Variants in FMO1 observed in about 807,000 individuals in gnomAD.
FMO1 encodes the protein flavin containing dimethylaniline monoxygenase 1, also known as flavin-containing monooxygenase 1.
In FMO1, 36 loss-of-function variants were observed where a neutral mutation model predicts 45.4. The observed-to-expected ratio is 0.79, with a 90% CI of 0.61 to 1.05. FMO1 has a LOEUF of 1.05. FMO1 is among the 50% of genes least tolerant of loss of function. The pLI is 0.00. For synonymous variants in FMO1, 228 were observed against 227.2 expected, an observed-to-expected ratio of 1.00 and a Z score of -0.03; for missense variants, 615 against 640.3, an observed-to-expected ratio of 0.96 and a Z score of 0.43.
intron 1 of FMO1, among the ~76,000 whole-genome samples, chr1:171,252,615 G>GC (rs1659946875): frequency 1.3e-5 from 2 of 152,160 alleles, no homozygotes. Flanking sequence ...TGCTGAACTG[G>GC]CCTTGTTTCT....
Position 171,285,261 on chromosome 1 carries a change from T to C in FMO1, c.1316T>C (p.Leu439Pro). The C allele has an allele frequency of 6.2e-7, 1 of 1,613,880 alleles. No homozygotes were observed. The highest frequency in any genetic ancestry group is 8.5e-7 in the Non-Finnish European group (1 of 1,179,836). Residue 439 changes from leucine to proline, a missense_variant, in exon 9 of 9, where the codon CTC becomes CCC. By Grantham distance (98) the Leu-to-Pro change is moderately conservative. Coordinates refer to ENST00000617670, the MANE Select transcript of FMO1 (RefSeq NM_001282693.2). ...GATTATATCACATACATAGATGAAC[T>C]CCTGACCTATATCAATGCAAAACCC... ...QSDYITYIDELLTYINAKPNL... is the reference protein window; with the variant it reads ...QSDYITYIDEPLTYINAKPNL...
At chr1:171,273,578 T>C (rs1386150378) in intron 3 of FMO1, among the ~76,000 whole-genome samples, 1 of 152,116 alleles carries the variant, frequency 6.6e-6, no homozygotes, top group Admixed American at 6.5e-5. Flanking sequence ...CAGGATCTTA[T>C]CTCACTGCAG....
intron 3 of FMO1, among the ~76,000 whole-genome samples, chr1:171,270,261 C>A (rs530773450): frequency 3.3e-5 from 5 of 152,266 alleles, no homozygotes; most frequent in South Asian, 2.1e-4. Flanking sequence ...TGTAAGTGGG[C>A]TATGTGAAAT....
intron 8 of FMO1, 42 bp from the exon 9 acceptor site, chr1:171,285,160 T>G (rs1661566938): frequency 1.5e-6 from 2 of 1,347,746 alleles, no homozygotes; most frequent in African/African-American, 1.5e-5. Context: ...GATTATCAGT[T>G]TTTTTGTCTT....
intron 1 of FMO1, among the ~76,000 whole-genome samples, chr1:171,250,018 G>A (rs1335443736): frequency 6.6e-6 from 1 of 152,026 alleles, no homozygotes. Context: ...TTTCTTCAAG[G>A]TGCCCCCAGA....
chr1:171,276,590 G>T (rs1490379119), intron 4 of FMO1, among the ~76,000 whole-genome samples: 11 of 152,180 alleles, frequency 7.2e-5, no homozygotes, highest in Admixed American at 6.5e-4. Flanking sequence ...ATGGCATAGG[G>T]AGTAAACTAC....
At chr1:171,277,274 T>C (rs575634666) in intron 4 of FMO1, among the ~76,000 whole-genome samples, 3 of 152,112 alleles carry the variant, frequency 2.0e-5, no homozygotes, top group Non-Finnish European at 2.9e-5. Context: ...TATTTAAAAA[T>C]ATGTATCACA....
chr1:171,253,102 TAAAAG>T (rs907794396), intron 1 of FMO1, among the ~76,000 whole-genome samples: 6 of 152,152 alleles, frequency 3.9e-5, no homozygotes, highest in Non-Finnish European at 4.4e-5. Flanking sequence ...ACTGAAAACT[TAAAAG>T]AAAAAAACAA....
chr1:171,284,825 T>G (rs1452960326), intron 8 of FMO1, among the ~76,000 whole-genome samples: 1 of 152,046 alleles, frequency 6.6e-6, no homozygotes, highest in Non-Finnish European at 1.5e-5. Flanking sequence ...AATTTTACCC[T>G]ATAGATTTTT....
chr1:171,267,747 T>C lies in FMO1; in HGVS notation c.321+16T>C, dbSNP rs1287798350. 5.7e-6 allele frequency: 9 copies of C among 1,586,806 alleles called. No homozygotes were observed. The highest frequency in any genetic ancestry group is 6.9e-6 in the Non-Finnish European group (8 of 1,161,504). ...TCAATTCAAGGTAAGACACAAAACATCAGTTAGTAGTCAGAAAGTATTTCC... is the reference window on the plus strand; with the variant it reads ...TCAATTCAAGGTAAGACACAAAACACCAGTTAGTAGTCAGAAAGTATTTCC... On this transcript the variant is annotated intron_variant, in intron 3 of 8. Coordinates refer to ENST00000617670, the MANE Select transcript of FMO1 (RefSeq NM_001282693.2).
At chr1:171,254,948 C>A (rs10798294) in intron 1 of FMO1, among the ~76,000 whole-genome samples, 1 of 152,040 alleles carries the variant, frequency 6.6e-6, no homozygotes, top group Non-Finnish European at 1.5e-5. Context: ...TTTCACGTCT[C>A]ACTTCCCTAC....
At position 171,285,632 on chromosome 1, in the gene FMO1, A is replaced by G. The variant is rs1244651008; in HGVS notation, c.*88A>G. On this transcript the variant is annotated 3_prime_UTR_variant, in exon 9 of 9. Coordinates refer to ENST00000617670, the MANE Select transcript of FMO1 (RefSeq NM_001282693.2). ...ACAGCAATATTGCCTTCACAGTTATAAACTGTATTCAAATAGTAAAGGCCA... is the reference window on the plus strand; with the variant it reads ...ACAGCAATATTGCCTTCACAGTTATGAACTGTATTCAAATAGTAAAGGCCA... 1 of 807,248 alleles carries G rather than the reference A, an allele frequency of 1.2e-6. No homozygotes were observed. The highest frequency in any genetic ancestry group is 1.8e-5 in the African/African-American group (1 of 56,590). The allele number at this position is 807,248 out of a possible 1,614,324, so 50.0% of individuals were successfully genotyped here. A position where few individuals can be genotyped will look rare whatever the true frequency, so the allele number is the denominator to read the frequency against.
chr1:171,250,102 CAAGT>C (rs1659818609), intron 1 of FMO1, among the ~76,000 whole-genome samples: 2 of 152,214 alleles, frequency 1.3e-5, no homozygotes, highest in East Asian at 1.9e-4. Flanking sequence ...GTTTTTTGAA[CAAGT>C]AATATACAAA....
chr1:171,254,301 GC>G (rs1183681989), intron 1 of FMO1, among the ~76,000 whole-genome samples: 1 of 152,074 alleles, frequency 6.6e-6, no homozygotes, highest in Non-Finnish European at 1.5e-5. Context: ...ATGTTGGCCA[GC>G]TGGTTTCGAA....
intron 1 of FMO1, among the ~76,000 whole-genome samples, chr1:171,256,032 G>A (rs1447202753): frequency 6.6e-6 from 1 of 152,126 alleles, no homozygotes; most frequent in African/African-American, 2.4e-5. Context: ...CCAGCACTTT[G>A]GGAGGCTGAG....
rs1661314770 is a variant in FMO1, at chr1:171,280,773, T to C, written c.628-13T>C. On this transcript the variant is annotated splice_polypyrimidine_tract_variant and intron_variant, in intron 5 of 8. Coordinates refer to ENST00000617670, the MANE Select transcript of FMO1 (RefSeq NM_001282693.2). ...ACAGTGTCAAATGAAGGGATGTCTT[T>C]GATTGCTTCCAGGTGTTCCTCAGCA... The C allele has an allele frequency of 1.9e-6, 3 of 1,610,578 alleles. No homozygotes were observed. In the East Asian group the frequency reaches 6.7e-5, roughly 36 times the overall value.
chr1:171,271,432 A>T (rs1660859846), intron 3 of FMO1: 12 of 1,014,434 alleles, frequency 1.2e-5, no homozygotes. Context: ...TCTTTAGCAG[A>T]CATGGTCTTC....
chr1:171,263,593 T>G lies in FMO1; in HGVS notation c.133-3950T>G, dbSNP rs552759613. Among the ~76,000 whole-genome samples the G allele has an allele frequency of 2.2e-4, 33 of 152,226 alleles. 1 individual carries two copies. The highest frequency in any genetic ancestry group is 7.5e-4 in the African/African-American group (31 of 41,456). On this transcript the variant is annotated intron_variant, in intron 2 of 8. Coordinates refer to ENST00000617670, the MANE Select transcript of FMO1 (RefSeq NM_001282693.2). ...AGAAGGACAGAAACACCTCTGCTCA[T>G]GCTCTTAGTCTCTTCCCTCTTTCCA...
chr1:171,256,752 A>C (rs1000790987), intron 1 of FMO1, among the ~76,000 whole-genome samples: 26 of 152,162 alleles, frequency 1.7e-4, no homozygotes, highest in African/African-American at 6.3e-4. Flanking sequence ...TCAGGTTCCT[A>C]ATCCAAAACA....
Sources: gnomAD v4.1 joint callset for allele counts (sites outside exome capture counted in the v4.1 genomes callset) on GRCh38, gnomAD v4.1.1 for gene constraint, MANE v1.5 for transcripts, NCBI Gene and HGNC (gene_info 2026-07-23, HGNC 2026-07-21) for gene names.